Variants in CATSPERT observed in about 807,000 individuals in gnomAD.
CATSPERT encodes the protein catsper channel auxiliary subunit tau.
the CATSPERT span, among the ~76,000 whole-genome samples, chr2:201,617,475 T>A: frequency 6.6e-6 from 1 of 152,230 alleles, no homozygotes; most frequent in Non-Finnish European, 1.5e-5. Context: ...CTCTATTTAA[T>A]AAATGGTGTT....
At chr2:201,576,830 TAA>T in the CATSPERT span, among the ~76,000 whole-genome samples, 2 of 152,200 alleles carry the variant, frequency 1.3e-5, no homozygotes, top group Admixed American at 1.3e-4. Context: ...TGCACCCTCC[TAA>T]GAGAGGGGTT....
chr2:201,489,858 A>AT, the CATSPERT span, among the ~76,000 whole-genome samples: 9 of 131,366 alleles, frequency 6.9e-5, no homozygotes, highest in Non-Finnish European at 1.5e-4. Flanking sequence ...TTACTTTCCT[A>AT]ATTTTTTTTT....
chr2:201,508,782 A>G, the CATSPERT span, among the ~76,000 whole-genome samples: 1 of 151,526 alleles, frequency 6.6e-6, no homozygotes, highest in Non-Finnish European at 1.5e-5. Context: ...AATTCCTCAA[A>G]GTTCATCCAT....
At chr2:201,514,366 G>A in the CATSPERT span, among the ~76,000 whole-genome samples, 9 of 152,062 alleles carry the variant, frequency 5.9e-5, no homozygotes, top group Admixed American at 1.3e-4. Context: ...TCCTAGGAAC[G>A]TAAAGTTGGT....
chr2:201,516,966 G>T, the CATSPERT span, among the ~76,000 whole-genome samples: 5 of 149,520 alleles, frequency 3.3e-5, no homozygotes, highest in Non-Finnish European at 7.4e-5. Context: ...CTCATGTCAG[G>T]ATTGGTACTA....
the CATSPERT span, among the ~76,000 whole-genome samples, chr2:201,570,122 G>T: frequency 2.1e-3 from 316 of 152,198 alleles, 3 homozygotes; most frequent in African/African-American, 7.2e-3. Flanking sequence ...GGTCAAGGCT[G>T]CAGTGAGCCA....
chr2:201,490,980 C>T, the CATSPERT span, among the ~76,000 whole-genome samples: 1 of 152,126 alleles, frequency 6.6e-6, no homozygotes, highest in African/African-American at 2.4e-5. Flanking sequence ...GCCTCAGCCT[C>T]CCAAAGTGCT....
At chr2:201,517,581 A>C in the CATSPERT span, among the ~76,000 whole-genome samples, 1 of 152,248 alleles carries the variant, frequency 6.6e-6, no homozygotes, top group African/African-American at 2.4e-5. Flanking sequence ...AGTCAGAAAG[A>C]GAGGACTATA....
chr2:201,574,193 A>T, the CATSPERT span: 2 of 1,574,590 alleles, frequency 1.3e-6, no homozygotes, highest in South Asian at 2.4e-5. Flanking sequence ...TAATCTTTTA[A>T]AAGAGGGGAA....
chr2:201,606,181 G>A, the CATSPERT span, among the ~76,000 whole-genome samples: 2 of 152,206 alleles, frequency 1.3e-5, no homozygotes, highest in African/African-American at 4.8e-5. Context: ...AGAAAAATCT[G>A]TATGTGGATA....
At chr2:201,591,646 C>G in the CATSPERT span, among the ~76,000 whole-genome samples, 277 of 152,204 alleles carry the variant, frequency 1.8e-3, no homozygotes, top group Non-Finnish European at 3.5e-3. Context: ...TTGTTTGTAT[C>G]CTCTTTTATT....
the CATSPERT span, chr2:201,553,975 T>G: frequency 6.6e-6 from 1 of 152,236 alleles, no homozygotes; most frequent in Non-Finnish European, 1.5e-5. Context: ...AACTGCATTC[T>G]AGACTTAGGC....
chr2:201,575,979 G>C, the CATSPERT span, among the ~76,000 whole-genome samples: 2 of 152,096 alleles, frequency 1.3e-5, no homozygotes, highest in African/African-American at 4.8e-5. Context: ...AATAGCCAAA[G>C]TACAAACATA....
At chr2:201,533,087 A>G in the CATSPERT span, among the ~76,000 whole-genome samples, 1 of 152,188 alleles carries the variant, frequency 6.6e-6, no homozygotes, top group African/African-American at 2.4e-5. Context: ...GCCCAAGGAA[A>G]CAGGGGCCTG....
the CATSPERT span, among the ~76,000 whole-genome samples, chr2:201,608,419 C>G: frequency 6.6e-6 from 1 of 152,120 alleles, no homozygotes; most frequent in East Asian, 1.9e-4. Flanking sequence ...ATGGAGCTCT[C>G]ATGCTCTCTC....
the CATSPERT span, among the ~76,000 whole-genome samples, chr2:201,540,460 C>G: frequency 6.6e-6 from 1 of 152,172 alleles, no homozygotes; most frequent in Non-Finnish European, 1.5e-5. Flanking sequence ...TAAATTGAAG[C>G]CAATGCTCAT....
chr2:201,536,249 A>G, the CATSPERT span: 107 of 1,613,212 alleles, frequency 6.6e-5, no homozygotes, highest in Non-Finnish European at 7.6e-5. Flanking sequence ...AAGCATCAGC[A>G]GTTGAATTAT....
chr2:201,556,527 A>AAG, the CATSPERT span, among the ~76,000 whole-genome samples: 2 of 150,750 alleles, frequency 1.3e-5, no homozygotes, highest in Admixed American at 6.6e-5. Context: ...AAAAAAAAAA[A>AAG]GATGCAACTC....
At chr2:201,545,434 C>T in the CATSPERT span, 1 of 729,550 alleles carries the variant, frequency 1.4e-6, no homozygotes, top group Non-Finnish European at 2.2e-6. Context: ...CTATTTATTT[C>T]CTAACAAAAC....
Sources: gnomAD v4.1 joint callset for allele counts (sites outside exome capture counted in the v4.1 genomes callset) on GRCh38, gnomAD v4.1.1 for gene constraint, MANE v1.5 for transcripts, NCBI Gene and HGNC (gene_info 2026-07-23, HGNC 2026-07-21) for gene names.